OR51L1: variants seen among roughly 807,000 people sequenced by gnomAD.
OR51L1 encodes the protein olfactory receptor family 51 subfamily L member 1.
Under a neutral mutation model 1.4 loss-of-function variants are expected in OR51L1, and 1 was observed. That is an observed-to-expected ratio of 0.72 (90% CI 0.26 to 3.42). The LOEUF (loss-of-function observed/expected upper bound fraction) is 3.42. OR51L1 is among the 30% of genes most tolerant of loss of function. OR51L1 has a pLI of 0.20. For synonymous variants in OR51L1, 156 were observed against 144.2 expected, an observed-to-expected ratio of 1.08 and a Z score of -0.59; for missense variants, 378 against 380.0, an observed-to-expected ratio of 0.99 and a Z score of 0.04.
chr11:5,000,245 G>A lies in OR51L1; in HGVS notation c.*315G>A, dbSNP rs916837442. 14 of 205,446 alleles carry A rather than the reference G, an allele frequency of 6.8e-5. No individual in the cohort carries two copies. Among genetic ancestry groups the A allele is most frequent in the Non-Finnish European group, 7.8e-5 (8 of 102,430 alleles). 12.7% of individuals were successfully genotyped at this position (205,446 alleles called of 1,614,324 possible). ...GTTGTCATTGTTGTTAATGATAACA[G>A]TATTTTCCTTCTTAAATGTAGCTGT... On this transcript the variant is annotated 3_prime_UTR_variant, in exon 3 of 3. Coordinates refer to ENST00000641819, the MANE Select transcript of OR51L1 (RefSeq NM_001004755.2).
intron 1 of OR51L1, 146 bp downstream of exon 1, chr11:4,995,481 AAAATT>A (rs1456821039): frequency 1.3e-5 from 2 of 152,148 alleles, no homozygotes; most frequent in African/African-American, 4.8e-5. Context: ...ATCTGTGAAA[AAAATT>A]AAATTTATTA....
In OR51L1 at chr11:4,997,978, G is replaced by A. The variant is rs74895817; in HGVS notation, c.-160+395G>A. 6.9e-3 allele frequency among the ~76,000 whole-genome samples: 1,045 copies of A among 152,058 alleles called. 15 individuals carry two copies. Among genetic ancestry groups the A allele is most frequent in the African/African-American group, 0.02 (822 of 41,482 alleles). ...TTTTAAAAATGATATTAAAAGCATC[G>A]TTTGGAAACAGAAATCAATCAATCA... On this transcript the variant is annotated intron_variant, in intron 2 of 2. Coordinates refer to ENST00000641819, the MANE Select transcript of OR51L1 (RefSeq NM_001004755.2).
Position 4,997,571 on chromosome 11 carries a change from T to G in OR51L1, c.-172T>G, listed in dbSNP as rs1164227821. The G allele has an allele frequency of 6.6e-6, 1 of 152,114 alleles. No homozygotes were observed. The highest frequency in any genetic ancestry group is 1.5e-5 in the Non-Finnish European group (1 of 68,044). 9.4% of individuals were successfully genotyped at this position (152,114 alleles called of 1,614,324 possible). A position where few individuals can be genotyped will look rare whatever the true frequency, so the allele number is the denominator to read the frequency against. On this transcript the variant is annotated 5_prime_UTR_variant, in exon 2 of 3. Transcript: ENST00000641819. ...TTGCTGAAGTCTATGAGGCCCAGAC[T>G]CTAAGGGACAAGGTAAGTAAATAAT...
In OR51L1 at chr11:5,005,360, A is replaced by C. The variant is rs754161854; in HGVS notation, c.*5430A>C. 2.6e-5 allele frequency: 4 copies of C among 152,118 alleles called. No homozygotes were observed. Among genetic ancestry groups the C allele is most frequent in the Non-Finnish European group, 5.9e-5 (4 of 68,012 alleles). The allele number at this position is 152,118 out of a possible 1,614,324, so 9.4% of individuals were successfully genotyped here. ...TAAAATGTAGATTTACTGAACACTA[A>C]CTGAAGTCTCAGGAATGTAACTATT... On this transcript the variant is annotated 3_prime_UTR_variant, in exon 3 of 3. Transcript: ENST00000641819.
chr11:5,002,859 T>C lies in OR51L1; in HGVS notation c.*2929T>C, dbSNP rs1847144002. 1 of 152,156 alleles carries C rather than the reference T, an allele frequency of 6.6e-6. No homozygotes were observed. Among genetic ancestry groups the C allele is most frequent in the African/African-American group, 2.4e-5 (1 of 41,430 alleles). The allele number at this position is 152,156 out of a possible 1,614,324, so 9.4% of individuals were successfully genotyped here. On this transcript the variant is annotated 3_prime_UTR_variant, in exon 3 of 3. Coordinates refer to ENST00000641819, the MANE Select transcript of OR51L1 (RefSeq NM_001004755.2). ...CTGCACACTAAATTTTACCTCAAAG[T>C]CTGCTTCCCAGAGAACCCTGAAATG...
At chr11:4,996,315 C>CATAT (rs56098195) in intron 1 of OR51L1, among the ~76,000 whole-genome samples, 14 of 151,320 alleles carry the variant, frequency 9.3e-5, no homozygotes, top group Non-Finnish European at 1.8e-4. Flanking sequence ...TATGTATATG[C>CATAT]ATATATATAT....
rs7937377 is a variant in OR51L1, at chr11:4,995,119, G to A, written c.-478G>A. On this transcript the variant is annotated 5_prime_UTR_variant, in exon 1 of 3. Coordinates refer to ENST00000641819, the MANE Select transcript of OR51L1 (RefSeq NM_001004755.2). Reference sequence around the variant, plus strand: ...ATAAAAAAATGGCAGCAGGAAGGAGGCTAGAAAAGATAGTAAAGATAATTT... The same window carrying A: ...ATAAAAAAATGGCAGCAGGAAGGAGACTAGAAAAGATAGTAAAGATAATTT... The A allele has an allele frequency of 0.33, 50,000 of 150,904 alleles. 8,675 individuals are homozygous for A. The highest frequency in any genetic ancestry group is 0.4 in the African/African-American group (16,644 of 41,154). 9.3% of individuals were successfully genotyped at this position (150,904 alleles called of 1,614,324 possible).
rs1564823285 is a variant in OR51L1, at chr11:5,000,797, C to G, written c.*867C>G. On this transcript the variant is annotated 3_prime_UTR_variant, in exon 3 of 3. Coordinates refer to ENST00000641819, the MANE Select transcript of OR51L1 (RefSeq NM_001004755.2). ...ACATAGACTTGTGGGGTCTATAAGGCTTGCTCACGGATGTTTATCTTGGGT... is the reference window on the plus strand; with the variant it reads ...ACATAGACTTGTGGGGTCTATAAGGGTTGCTCACGGATGTTTATCTTGGGT... The G allele has an allele frequency of 6.6e-6, 1 of 152,284 alleles. No homozygotes were observed. The highest frequency in any genetic ancestry group is 1.5e-5 in the Non-Finnish European group (1 of 68,128). 9.4% of individuals were successfully genotyped at this position (152,284 alleles called of 1,614,324 possible).
At position 4,999,468 on chromosome 11, in the gene OR51L1, T is replaced by C. The variant is rs1477270712; in HGVS notation, c.486T>C (p.Pro162=). 6.2e-7 allele frequency: 1 copy of C among 1,614,140 alleles called. No individual in the cohort carries two copies. The change falls in exon 3 of 3, where the codon CCT becomes CCC. Residue 162 remains proline, a synonymous_variant. Coordinates refer to ENST00000641819, the MANE Select transcript of OR51L1 (RefSeq NM_001004755.2). ...GCTTGGGAGTTGTACTTCCCACACC[T>C]TTGCTACTGAGACACTATCACTACT... ...LRSLGVVLPT[P]LLLRHYHYCH... is the part of the protein sequence containing the mutation.
rs1847161775 is a variant in OR51L1 at position 5,004,779 on chromosome 11, A to C, written c.*4849A>C. 6.6e-6 allele frequency: 1 copy of C among 152,214 alleles called. No individual in the cohort carries two copies. Among genetic ancestry groups the C allele is most frequent in the Non-Finnish European group, 1.5e-5 (1 of 68,036 alleles). 9.4% of individuals were successfully genotyped at this position (152,214 alleles called of 1,614,324 possible). A position where few individuals can be genotyped will look rare whatever the true frequency, so the allele number is the denominator to read the frequency against. On this transcript the variant is annotated 3_prime_UTR_variant, in exon 3 of 3. Transcript: ENST00000641819. Reference sequence around the variant, plus strand: ...GACACATTTGCTGATATTATCAATGATGTCCTTCTGTGTAATTTTTGAAAG... The same window carrying C: ...GACACATTTGCTGATATTATCAATGCTGTCCTTCTGTGTAATTTTTGAAAG...
In OR51L1 at chr11:4,999,877, A is replaced by G. The variant is rs1383590049; in HGVS notation, c.895A>G (p.Lys299Glu). Residue 299 changes from lysine (K) to glutamate (E), a missense_variant, in exon 3 of 3, where the codon AAG (lysine) becomes GAG (glutamate). Lys to Glu is a moderately conservative substitution (Grantham distance 56, BLOSUM62 1). Coordinates refer to ENST00000641819, the MANE Select transcript of OR51L1 (RefSeq NM_001004755.2). The part of the protein sequence containing the change: ...LNPIVYSVRT[K>E]QIRLGILHKF... ...CCCTATTGTCTATAGTGTCAGAACA[A>G]AGCAGATTCGTCTAGGAATTCTCCA... 6 of 1,613,850 alleles carry G rather than the reference A, an allele frequency of 3.7e-6. No homozygotes were observed. The highest frequency in any genetic ancestry group is 1.1e-5 in the South Asian group (1 of 91,054).
rs1402845942 is a variant in OR51L1, at chr11:5,001,367, A to G, written c.*1437A>G. 2.0e-5 allele frequency: 3 copies of G among 152,222 alleles called. No individual in the cohort carries two copies. Among genetic ancestry groups the G allele is most frequent in the Non-Finnish European group, 4.4e-5 (3 of 68,044 alleles). The allele number at this position is 152,222 out of a possible 1,614,324, so 9.4% of individuals were successfully genotyped here. ...GAAAAGGGGAAAAATTGTAAAATAT[A>G]CATATATATTTTAAAGAAAATGGGG... On this transcript the variant is annotated 3_prime_UTR_variant, in exon 3 of 3. Transcript: ENST00000641819.
rs1276397159 is a variant in OR51L1 at position 4,999,426 on chromosome 11, G to A, written c.444G>A (p.Leu148=). 1 of 1,614,094 alleles carries A rather than the reference G, an allele frequency of 6.2e-7. No individual in the cohort carries two copies. The highest frequency in any genetic ancestry group is 8.5e-7 in the Non-Finnish European group (1 of 1,180,010). The change falls in exon 3 of 3, where the codon TTG becomes TTA. Residue 148 remains leucine (L), a synonymous_variant. Transcript: ENST00000641819. Reference sequence around the variant, plus strand: ...ACAGTGTAATTGGCAAAATTGGTTTGGCCTGTTTGCTACGAAGCTTGGGAG... The same window carrying A: ...ACAGTGTAATTGGCAAAATTGGTTTAGCCTGTTTGCTACGAAGCTTGGGAG... ...LTNSVIGKIG[L]ACLLRSLGVV... is the part of the protein sequence containing the mutation.
Position 5,004,067 on chromosome 11 carries a change from C to T in OR51L1, c.*4137C>T, listed in dbSNP as rs192677391. 21 of 152,138 alleles carry T rather than the reference C, an allele frequency of 1.4e-4. No homozygotes were observed. The East Asian group carries it at 1.7e-3, about 13-fold the overall frequency. The allele number at this position is 152,138 out of a possible 1,614,324, so 9.4% of individuals were successfully genotyped here. ...TCAACTTTAAAGAAGGTAAAGACAA[C>T]GCTGAGTAATACCCTAGAGCTAAGA... is the stretch of plus-strand genomic sequence containing the variant. On this transcript the variant is annotated 3_prime_UTR_variant, in exon 3 of 3. Coordinates refer to ENST00000641819, the MANE Select transcript of OR51L1 (RefSeq NM_001004755.2).
rs923828573 is a variant in OR51L1, at chr11:5,002,158, G to C, written c.*2228G>C. On this transcript the variant is annotated 3_prime_UTR_variant, in exon 3 of 3. Coordinates refer to ENST00000641819, the MANE Select transcript of OR51L1 (RefSeq NM_001004755.2). ...CATAAGAGACAATTGTGCATATCTT[G>C]TTCTGCTTTTGTGCTCTGTAATGTC... is the stretch of plus-strand genomic sequence containing the variant. The C allele has an allele frequency of 2.6e-5, 4 of 152,120 alleles. No homozygotes were observed. Among genetic ancestry groups the C allele is most frequent in the Non-Finnish European group, 5.9e-5 (4 of 68,022 alleles). The allele number at this position is 152,120 out of a possible 1,614,324, so 9.4% of individuals were successfully genotyped here. A position where few individuals can be genotyped will look rare whatever the true frequency, so the allele number is the denominator to read the frequency against.
Position 4,998,882 on chromosome 11 carries a change from G to A in OR51L1, c.-101G>A. 1.6e-6 allele frequency: 2 copies of A among 1,290,270 alleles called. No homozygotes were observed. Among genetic ancestry groups the A allele is most frequent in the Non-Finnish European group, 2.2e-6 (2 of 928,590 alleles). The allele number at this position is 1,290,270 out of a possible 1,614,324, so 79.9% of individuals were successfully genotyped here. A position where few individuals can be genotyped will look rare whatever the true frequency, so the allele number is the denominator to read the frequency against. The stretch of plus-strand genomic sequence containing the variant: ...GAGGTTAGACGAAAGATGTATTTTT[G>A]TCCTCATTCCATTATTTGTACTCAA... On this transcript the variant is annotated 5_prime_UTR_variant, in exon 3 of 3. Transcript: ENST00000641819.
rs544371317 is a variant in OR51L1, at chr11:4,999,913, C to G, written c.931C>G (p.Leu311Val). ...IRLGILHKFV[L>V]RRRF The stretch of plus-strand genomic sequence containing the variant: ...TCTAGGAATTCTCCACAAGTTTGTC[C>G]TAAGGAGGAGGTTTTAAGTAACCTC... Residue 311 changes from leucine to valine, a missense_variant, in exon 3 of 3, where the codon CTA becomes GTA. Transcript: ENST00000641819. The G allele has an allele frequency of 3.5e-5, 57 of 1,609,522 alleles. No homozygotes were observed. The South Asian group carries it at 4.4e-4, about 12-fold the overall frequency.
chr11:4,996,694 TTTC>T (rs1564822158), intron 1 of OR51L1, among the ~76,000 whole-genome samples: 118 of 132,256 alleles, frequency 8.9e-4, no homozygotes, highest in African/African-American at 3.2e-3. Context: ...TTTCTTTTTC[TTTC>T]TTTTCCTTCC....
intron 1 of OR51L1, among the ~76,000 whole-genome samples, chr11:4,996,060 A>G (rs1026564687): frequency 6.6e-6 from 1 of 152,110 alleles, no homozygotes; most frequent in Non-Finnish European, 1.5e-5. Context: ...GTAGAATGGG[A>G]ACTCTTTTCA....
Sources: gnomAD v4.1 joint callset for allele counts (sites outside exome capture counted in the v4.1 genomes callset) on GRCh38, gnomAD v4.1.1 for gene constraint, MANE v1.5 for transcripts, NCBI Gene and HGNC (gene_info 2026-07-23, HGNC 2026-07-21) for gene names.